The following CFAP77 variants were observed in gnomAD, a reference collection of about 807,000 sequenced individuals.
CFAP77 encodes cilia and flagella associated protein 77, also known as cilia- and flagella-associated protein 77.
Under a neutral mutation model 31.1 loss-of-function variants are expected in CFAP77, and 25 were observed. That is an observed-to-expected ratio of 0.80 (90% CI 0.59 to 1.12). The LOEUF is 1.12. Ranked by LOEUF, CFAP77 falls within the 50% of genes most tolerant of loss-of-function variation. The probability of loss-of-function intolerance (pLI) is 0.00; values close to 1 mark genes in which losing one functional copy is unlikely to be tolerated. For missense variants in CFAP77, 377 were observed against 397.3 expected (o/e 0.95, Z 0.44); for synonymous variants, 151 against 159.9 (o/e 0.94, Z 0.42).
At chr9:132,493,450 C>G (rs1482226289) in intron 1 of CFAP77, among the ~76,000 whole-genome samples, 1 of 152,134 alleles carries the variant, frequency 6.6e-6, no homozygotes. Flanking sequence ...TCATGCAGTT[C>G]TCATGTGAAG....
At chr9:132,429,646 C>T (rs1589845248) in intron 1 of CFAP77, among the ~76,000 whole-genome samples, 1 of 149,144 alleles carries the variant, frequency 6.7e-6, no homozygotes, top group African/African-American at 2.5e-5. Flanking sequence ...AGATCAAGAC[C>T]ATCCTGGCTA....
In CFAP77 at chr9:132,564,616, CTG is replaced by C. The variant is rs1459773133; in HGVS notation, c.733-7768_733-7767del. On this transcript the variant is annotated intron_variant, in intron 5 of 5. Transcript: ENST00000393216. This position sits in a 1 kb window ranked among gnomAD's most constrained non-coding sequence, Gnocchi z 4.6. ...TTTAGAGGGAACACAGTTGCTAATG[CTG>C]TGTTATATAAATGCTAATATTGGAG... Among the ~76,000 whole-genome samples, 1 of 151,626 alleles carries C rather than the reference CTG, an allele frequency of 6.6e-6. No homozygotes were observed. The highest frequency in any genetic ancestry group is 6.6e-5 in the Admixed American group (1 of 15,224).
intron 1 of CFAP77, among the ~76,000 whole-genome samples, chr9:132,416,082 T>C (rs368289906): frequency 6.6e-6 from 1 of 152,122 alleles, no homozygotes; most frequent in Non-Finnish European, 1.5e-5. Context: ...TAACCAGGCA[T>C]AGGACTTTGG....
intron 3 of CFAP77, among the ~76,000 whole-genome samples, chr9:132,525,934 G>A (rs1252329461): frequency 1.3e-5 from 2 of 152,160 alleles, no homozygotes; most frequent in Non-Finnish European, 2.9e-5. Flanking sequence ...TCCATGGTAT[G>A]GATGGAATTG....
intron 1 of CFAP77, among the ~76,000 whole-genome samples, chr9:132,445,665 C>T (rs1668874167): frequency 6.6e-6 from 1 of 151,894 alleles, no homozygotes; most frequent in African/African-American, 2.4e-5. Context: ...GTCAGGAGTT[C>T]AAGACCAGCC....
chr9:132,469,298 TC>T (rs1240662283), intron 1 of CFAP77, among the ~76,000 whole-genome samples: 5 of 151,876 alleles, frequency 3.3e-5, no homozygotes, highest in African/African-American at 1.2e-4. Context: ...ACCTTCCATT[TC>T]CCCCCTAATT....
intron 3 of CFAP77, among the ~76,000 whole-genome samples, chr9:132,519,943 G>A (rs1267838292): frequency 2.0e-5 from 3 of 151,636 alleles, no homozygotes; most frequent in Non-Finnish European, 4.4e-5. Context: ...TGAACGGGTG[G>A]GTGGATGGGT....
At chr9:132,572,154 A>G (rs916496601) in intron 5 of CFAP77, among the ~76,000 whole-genome samples, 1 of 152,056 alleles carries the variant, frequency 6.6e-6, no homozygotes, top group African/African-American at 2.4e-5. Flanking sequence ...TTCTGCCTGT[A>G]TCTTCCCCAG....
At chr9:132,460,698 T>C (rs567104038) in intron 1 of CFAP77, among the ~76,000 whole-genome samples, 1 of 152,174 alleles carries the variant, frequency 6.6e-6, no homozygotes, top group Admixed American at 6.5e-5. Context: ...ATAGAGGTGA[T>C]GGTTGTGCAA....
At chr9:132,483,989 T>G (rs1851496082) in intron 1 of CFAP77, among the ~76,000 whole-genome samples, 1 of 148,802 alleles carries the variant, frequency 6.7e-6, no homozygotes, top group Admixed American at 6.9e-5. Flanking sequence ...CAGGCTGGAG[T>G]GCAGTGGTGC....
chr9:132,466,470 G>A (rs1407545003), intron 1 of CFAP77, among the ~76,000 whole-genome samples: 2 of 152,112 alleles, frequency 1.3e-5, no homozygotes, highest in African/African-American at 4.8e-5. Flanking sequence ...TCATGGGATG[G>A]GGACATTCTG....
rs979864886 is a variant in CFAP77 at position 132,481,971 on chromosome 9, G to A, written c.196-16724G>A. Among the ~76,000 whole-genome samples the A allele has an allele frequency of 4.0e-5, 6 of 149,854 alleles. No individual in the cohort carries two copies. Among genetic ancestry groups the A allele is most frequent in the South Asian group, 2.2e-4 (1 of 4,622 alleles). ...AAGGGTTTATGGTTGGGGGGGGGGG[G>A]GGCGGCGGAACACTGAACATTTTTC... On this transcript the variant is annotated intron_variant, in intron 1 of 5. Coordinates refer to ENST00000393216, the MANE Select transcript of CFAP77 (RefSeq NM_001282957.2). The surrounding 1 kb of genome is among the most constrained non-coding windows in gnomAD (Gnocchi z 5.0).
In CFAP77 at chr9:132,438,541, A is replaced by ATTT. The variant is rs10641294; in HGVS notation, c.195+28090_195+28092dup. On this transcript the variant is annotated intron_variant, in intron 1 of 5. Coordinates refer to ENST00000393216, the MANE Select transcript of CFAP77 (RefSeq NM_001282957.2). ...ATGGTATATATATATATATATATAT[A>ATTT]TTTTTTTTTTTTTTTTTAGACAGGG... Among the ~76,000 whole-genome samples, 298 of 108,014 alleles carry ATTT rather than the reference A, an allele frequency of 2.8e-3. 6 individuals are homozygous for ATTT. Among genetic ancestry groups the ATTT allele is most frequent in the Non-Finnish European group, 4.3e-3 (241 of 55,522 alleles). 70.9% of individuals were successfully genotyped at this position (108,014 alleles called of 152,430 possible).
At position 132,490,333 on chromosome 9, in the gene CFAP77, C is replaced by G. The variant is rs1462977191; in HGVS notation, c.196-8362C>G. The stretch of plus-strand genomic sequence containing the variant: ...GCACCATGGAAAAGCAGGTGACCGT[C>G]AAGCCTCAGGTGGCCCCTGTGTTTT... On this transcript the variant is annotated intron_variant, in intron 1 of 5. Coordinates refer to ENST00000393216, the MANE Select transcript of CFAP77 (RefSeq NM_001282957.2). This position sits in a 1 kb window ranked among gnomAD's most constrained non-coding sequence, Gnocchi z 4.6. 6.6e-6 allele frequency among the ~76,000 whole-genome samples: 1 copy of G among 152,210 alleles called. No individual in the cohort carries two copies. Among genetic ancestry groups the G allele is most frequent in the Non-Finnish European group, 1.5e-5 (1 of 68,026 alleles).
chr9:132,492,570 C>G (rs1266002768), intron 1 of CFAP77, among the ~76,000 whole-genome samples: 1 of 152,256 alleles, frequency 6.6e-6, no homozygotes, highest in Non-Finnish European at 1.5e-5. Context: ...GGTTCAGACC[C>G]ACCTTGGCCA....
In CFAP77 at chr9:132,455,310, C is replaced by T. The variant is rs1589859828; in HGVS notation, c.196-43385C>T. On this transcript the variant is annotated intron_variant, in intron 1 of 5. Transcript: ENST00000393216. The surrounding 1 kb of genome is among the most constrained non-coding windows in gnomAD (Gnocchi z 4.1). ...TCACCTGAGGTCAGGAGTTCGAGAT[C>T]AGCCTGGCCAACATGGCGAAACCTC... 2.0e-5 allele frequency among the ~76,000 whole-genome samples: 3 copies of T among 152,274 alleles called. No individual in the cohort carries two copies. The highest frequency in any genetic ancestry group is 2.1e-4 in the South Asian group (1 of 4,822).
chr9:132,412,021 C>T (rs371702472), intron 1 of CFAP77, among the ~76,000 whole-genome samples: 2 of 152,192 alleles, frequency 1.3e-5, no homozygotes, highest in South Asian at 2.1e-4. Flanking sequence ...TAAATTTCCC[C>T]CTTCTTTTCC....
At chr9:132,475,135 T>C (rs1851329908) in intron 1 of CFAP77, among the ~76,000 whole-genome samples, 1 of 152,262 alleles carries the variant, frequency 6.6e-6, no homozygotes, top group South Asian at 2.1e-4. Flanking sequence ...CATTATCTGC[T>C]GGCTGCATTA....
At chr9:132,464,460 C>T (rs539206226) in intron 1 of CFAP77, among the ~76,000 whole-genome samples, 1 of 152,228 alleles carries the variant, frequency 6.6e-6, no homozygotes, top group South Asian at 2.1e-4. Context: ...GGTAACAATG[C>T]AAGCCTTGTG....
Sources: allele counts gnomAD v4.1 joint callset (sites outside exome capture counted in the v4.1 genomes callset), GRCh38; gene constraint gnomAD v4.1.1; non-coding constraint Gnocchi (gnomAD v3.1); transcripts MANE v1.5; gene names NCBI Gene and HGNC (gene_info 2026-07-23, HGNC 2026-07-21).